The following GRIP1 variants were observed in gnomAD, a reference collection of about 807,000 sequenced individuals.
The protein encoded by GRIP1 is glutamate receptor interacting protein 1, also known as glutamate receptor-interacting protein 1.
A neutral mutation model predicts 129.9 loss-of-function variants in GRIP1; 45 were observed. That is an observed-to-expected ratio of 0.35 (90% CI 0.27 to 0.44). GRIP1 has a LOEUF of 0.44. Among genes scored for constraint, GRIP1 ranks in the 20% least tolerant of loss-of-function variants. GRIP1 has a pLI of 1.00. For missense variants in GRIP1, 1,196 were observed against 1,396.8 expected, an observed-to-expected ratio of 0.86 and a Z score of 2.29; for synonymous variants, 530 against 520.8, an observed-to-expected ratio of 1.02 and a Z score of -0.24.
chr12:66,717,258 T>C (rs1235135030), intron 1 of GRIP1, among the ~76,000 whole-genome samples: 2 of 152,130 alleles, frequency 1.3e-5, no homozygotes, highest in African/African-American at 4.8e-5. Flanking sequence ...GCCAACTGTA[T>C]AAGTAAAAGC....
chr12:66,528,167 C>T (rs1361795876), intron 5 of GRIP1, among the ~76,000 whole-genome samples: 2 of 112,866 alleles, frequency 1.8e-5, no homozygotes, highest in Non-Finnish European at 3.4e-5. Flanking sequence ...TGGAGTCTGG[C>T]TCTATCACCC....
At chr12:66,636,608 A>G (rs1338221119) in intron 1 of GRIP1, among the ~76,000 whole-genome samples, 7 of 152,068 alleles carry the variant, frequency 4.6e-5, no homozygotes, top group Non-Finnish European at 1.0e-4. Flanking sequence ...ACTGCATTGG[A>G]GATAGGGCCT....
intron 1 of GRIP1, among the ~76,000 whole-genome samples, chr12:66,964,583 C>G (rs1248144301): frequency 2.0e-5 from 3 of 152,130 alleles, no homozygotes; most frequent in Non-Finnish European, 4.4e-5. Context: ...CAGGCTAACA[C>G]CTACCCTCTC....
chr12:66,679,885 T>C (rs922268161), upstream of GRIP1, among the ~76,000 whole-genome samples: 1 of 152,200 alleles, frequency 6.6e-6, no homozygotes, highest in African/African-American at 2.4e-5. Context: ...TCTGCTCCAA[T>C]GGAGTGAAGA....
chr12:66,938,735 G>C (rs981626363), intron 1 of GRIP1, among the ~76,000 whole-genome samples: 7 of 152,100 alleles, frequency 4.6e-5, no homozygotes, highest in African/African-American at 1.2e-4. Flanking sequence ...AAGGCGGGCA[G>C]ATCACCAGGT....
chr12:66,937,349 C>T (rs1479001752), intron 1 of GRIP1, among the ~76,000 whole-genome samples: 4 of 152,192 alleles, frequency 2.6e-5, no homozygotes, highest in African/African-American at 4.8e-5. Flanking sequence ...TCATCTGCTC[C>T]GCCAGTAGAA....
At chr12:66,704,569 A>G (rs1487613493) in intron 1 of GRIP1, among the ~76,000 whole-genome samples, 2 of 152,074 alleles carry the variant, frequency 1.3e-5, no homozygotes, top group African/African-American at 4.8e-5. Flanking sequence ...GAAACAGAAC[A>G]CTGAGATGTG....
intron 1 of GRIP1, among the ~76,000 whole-genome samples, chr12:66,973,794 T>C (rs1317061860): frequency 6.6e-6 from 1 of 152,154 alleles, no homozygotes; most frequent in East Asian, 1.9e-4. Flanking sequence ...GGTTGTAGCT[T>C]CTCTTTACTA....
At chr12:66,773,589 G>A (rs147920900) in intron 1 of GRIP1, among the ~76,000 whole-genome samples, 2,813 of 152,172 alleles carry the variant, frequency 0.018, 99 homozygotes, top group African/African-American at 0.064. Context: ...GATAGCATTA[G>A]GAGAAATACC....
chr12:66,738,228 C>CT lies in GRIP1; in HGVS notation c.-420+65824dup, dbSNP rs548292141. 3.9e-3 allele frequency among the ~76,000 whole-genome samples: 575 copies of CT among 145,696 alleles called. 10 individuals carry two copies. The highest frequency in any genetic ancestry group is 0.016 in the South Asian group (76 of 4,622). On this transcript the variant is annotated intron_variant, in intron 1 of 4. Coordinates refer to the GRIP1 transcript ENST00000538373. ...AGATTTCTCTTTTTCTTTTTTTTTTCTTTTTTTTTGAGACAGAGTCTCCCT... is the reference window on the plus strand; with the variant it reads ...AGATTTCTCTTTTTCTTTTTTTTTTCTTTTTTTTTTGAGACAGAGTCTCCCT...
intron 12 of GRIP1, 107 bp from the exon 13 acceptor site, chr12:66,444,836 G>T: frequency 8.3e-7 from 1 of 1,203,546 alleles, no homozygotes; most frequent in Non-Finnish European, 1.2e-6. Flanking sequence ...TCATAATTTG[G>T]TCTTGCTTAT....
intron 2 of GRIP1, among the ~76,000 whole-genome samples, chr12:66,581,497 T>C (rs1475268469): frequency 4.9e-5 from 7 of 143,798 alleles, no homozygotes; most frequent in South Asian, 4.5e-4. Context: ...ACAAAATTGA[T>C]AGACCACTAG....
intron 1 of GRIP1, among the ~76,000 whole-genome samples, chr12:66,658,789 T>A (rs1196499956): frequency 6.6e-6 from 1 of 151,112 alleles, no homozygotes; most frequent in Non-Finnish European, 1.5e-5. Flanking sequence ...CCAGGTGTGG[T>A]GGCATGCACC....
intron 1 of GRIP1, among the ~76,000 whole-genome samples, chr12:67,032,092 A>G (rs913621404): frequency 6.6e-6 from 1 of 152,158 alleles, no homozygotes; most frequent in Non-Finnish European, 1.5e-5. Flanking sequence ...CCCACCAGAC[A>G]TGGTATATTT....
rs781220772 is a variant in GRIP1, at chr12:66,539,035, TTGGAATGTATCCCCTA to T, written c.418+27_418+42del. ...CAGTTTTAGGCATCCACTGGGGGTCTTGGAATGTATCCCCTATGGATAAGGGGGGCTACTGTACTTA... is the reference window on the plus strand; with the variant it reads ...CAGTTTTAGGCATCCACTGGGGGTCTTGGATAAGGGGGGCTACTGTACTTA... On this transcript the variant is annotated intron_variant, in intron 4 of 24. Transcript: ENST00000359742. 14 of 1,561,816 alleles carry T rather than the reference TTGGAATGTATCCCCTA, an allele frequency of 9.0e-6. No homozygotes were observed. The African/African-American group carries it at 1.8e-4, about 20-fold the overall frequency.
At chr12:66,606,286 T>A (rs1355030179) in intron 1 of GRIP1, among the ~76,000 whole-genome samples, 1 of 151,986 alleles carries the variant, frequency 6.6e-6, no homozygotes, top group Non-Finnish European at 1.5e-5. Context: ...CTCAGGTTGA[T>A]GTCCCTGGTT....
At chr12:66,773,924 A>T (rs1427225993) in intron 1 of GRIP1, among the ~76,000 whole-genome samples, 1 of 152,156 alleles carries the variant, frequency 6.6e-6, no homozygotes, top group Non-Finnish European at 1.5e-5. Context: ...TTCACACCCA[A>T]TGGTTTACAT....
intron 2 of GRIP1, chr12:66,563,460 CTG>C (rs2062612984): frequency 6.6e-6 from 1 of 152,228 alleles, no homozygotes; most frequent in Non-Finnish European, 1.5e-5. Flanking sequence ...AATTGTTCAT[CTG>C]TGTCAGAAAG....
At chr12:66,751,121 TGCA>T (rs1273996368) in intron 1 of GRIP1, among the ~76,000 whole-genome samples, 1 of 152,188 alleles carries the variant, frequency 6.6e-6, no homozygotes, top group African/African-American at 2.4e-5. Flanking sequence ...GAATTGTAAA[TGCA>T]GCTTGTGGAA....
Sources: allele counts gnomAD v4.1 joint callset (sites outside exome capture counted in the v4.1 genomes callset), GRCh38; gene constraint gnomAD v4.1.1; transcripts MANE v1.5; gene names NCBI Gene and HGNC (gene_info 2026-07-23, HGNC 2026-07-21).